CTIF: variants seen among roughly 807,000 people sequenced by gnomAD.
CTIF encodes the protein cap binding complex dependent translation initiation factor.
A neutral mutation model predicts 66.0 loss-of-function variants in CTIF; 21 were observed. The observed-to-expected ratio is 0.32, with a 90% CI of 0.23 to 0.46. The LOEUF is 0.46. Among genes scored for constraint, CTIF ranks in the 20% least tolerant of loss-of-function variants. CTIF has a pLI of 1.00. For missense variants in CTIF, 739 were observed against 812.7 expected, an observed-to-expected ratio of 0.91 and a Z score of 1.10; for synonymous variants, 345 against 326.4, an observed-to-expected ratio of 1.06 and a Z score of -0.62.
chr18:48,738,553 T>A (rs1224297725), intron 7 of CTIF, among the ~76,000 whole-genome samples: 2 of 147,766 alleles, frequency 1.4e-5, no homozygotes, highest in African/African-American at 2.5e-5. Context: ...CCCGGATTGC[T>A]CTTCTCCTGG....
intron 9 of CTIF, among the ~76,000 whole-genome samples, chr18:48,779,754 C>T (rs931827409): frequency 6.6e-6 from 1 of 152,228 alleles, no homozygotes; most frequent in Non-Finnish European, 1.5e-5. Flanking sequence ...GTTCCTTGTC[C>T]TCCCAAGGGG....
In CTIF at chr18:48,707,415, C is replaced by T. The variant is rs553684265; in HGVS notation, c.508-4204C>T. Among the ~76,000 whole-genome samples, 58 of 152,304 alleles carry T rather than the reference C, an allele frequency of 3.8e-4. No homozygotes were observed. In the Middle Eastern group the frequency reaches 0.014, roughly 36 times the overall value. ...GTCATTGGGTGCCACTTGTCTTGGA[C>T]ATGCCACCTTTTCCAGCCGCATCTT... On this transcript the variant is annotated intron_variant, in intron 6 of 11. Coordinates refer to ENST00000256413, the MANE Select transcript of CTIF (RefSeq NM_014772.3).
intron 1 of CTIF, among the ~76,000 whole-genome samples, chr18:48,599,018 G>A (rs2090039516): frequency 6.6e-6 from 1 of 151,532 alleles, no homozygotes; most frequent in South Asian, 2.1e-4. Flanking sequence ...TTGACCTGAA[G>A]ACTTTAGACC....
At chr18:48,755,672 G>A (rs1307437701) in intron 7 of CTIF, 1 of 152,220 alleles carries the variant, frequency 6.6e-6, no homozygotes, top group Non-Finnish European at 1.5e-5. Flanking sequence ...CTTTTGCCCA[G>A]GAATGTATAT....
At chr18:48,792,532 T>C (rs1292558254) in intron 9 of CTIF, among the ~76,000 whole-genome samples, 1 of 151,990 alleles carries the variant, frequency 6.6e-6, no homozygotes, top group East Asian at 1.9e-4. Flanking sequence ...AGGGGGACAA[T>C]GAGCATAAAA....
At chr18:48,835,818 CCCA>C (rs2068795915) in intron 10 of CTIF, among the ~76,000 whole-genome samples, 1 of 151,768 alleles carries the variant, frequency 6.6e-6, no homozygotes, top group South Asian at 2.1e-4. Context: ...ATGGTCCCTT[CCCA>C]CCAAGCCCCC....
chr18:48,641,143 G>C (rs912985836), intron 3 of CTIF, among the ~76,000 whole-genome samples: 9 of 152,234 alleles, frequency 5.9e-5, no homozygotes, highest in Non-Finnish European at 1.3e-4. Context: ...TATAGGGATT[G>C]TTGAAATGAG....
chr18:48,677,669 C>A (rs1250412156), intron 6 of CTIF, among the ~76,000 whole-genome samples: 1 of 152,194 alleles, frequency 6.6e-6, no homozygotes, highest in Non-Finnish European at 1.5e-5. Context: ...GCCTCCTCAT[C>A]ACTCAAGAAT....
chr18:48,720,439 C>T (rs548492211), intron 7 of CTIF, among the ~76,000 whole-genome samples: 11 of 152,202 alleles, frequency 7.2e-5, no homozygotes, highest in East Asian at 1.9e-4. Flanking sequence ...GCCCAGGGAC[C>T]GCGAGACAGA....
chr18:48,575,390 G>C (rs2089508575), intron 1 of CTIF, among the ~76,000 whole-genome samples: 1 of 152,112 alleles, frequency 6.6e-6, no homozygotes, highest in African/African-American at 2.4e-5. Context: ...CACAAAGCTG[G>C]CCAGTGACAG....
At chr18:48,841,959 C>G (rs1329952871) in intron 10 of CTIF, among the ~76,000 whole-genome samples, 1 of 152,202 alleles carries the variant, frequency 6.6e-6, no homozygotes, top group Non-Finnish European at 1.5e-5. Context: ...GACGCACAGC[C>G]CCTACCTACT....
At chr18:48,771,605 C>T (rs577565587) in intron 9 of CTIF, among the ~76,000 whole-genome samples, 11 of 152,314 alleles carry the variant, frequency 7.2e-5, no homozygotes, top group African/African-American at 2.2e-4. Flanking sequence ...AGAACTTGGC[C>T]GGGCACTGCC....
chr18:48,583,591 A>G (rs1290188917), intron 1 of CTIF, among the ~76,000 whole-genome samples: 2 of 152,108 alleles, frequency 1.3e-5, no homozygotes, highest in African/African-American at 4.8e-5. Context: ...ATCATCTTCT[A>G]CAAGATCCTC....
At chr18:48,836,488 C>T (rs983119354) in intron 10 of CTIF, among the ~76,000 whole-genome samples, 1 of 152,202 alleles carries the variant, frequency 6.6e-6, no homozygotes, top group Non-Finnish European at 1.5e-5. Context: ...CAGCTTCTCA[C>T]ACCTCAACTC....
chr18:48,632,453 T>A (rs1289333250), intron 2 of CTIF, among the ~76,000 whole-genome samples: 1 of 152,172 alleles, frequency 6.6e-6, no homozygotes, highest in Non-Finnish European at 1.5e-5. Flanking sequence ...ATCACCCGCT[T>A]TGCCTGCTGC....
chr18:48,635,349 G>A (rs574708678), intron 2 of CTIF, among the ~76,000 whole-genome samples: 1 of 117,576 alleles, frequency 8.5e-6, no homozygotes, highest in South Asian at 2.6e-4. Context: ...TTTTTTTTGA[G>A]GCTCACTCTG....
At chr18:48,796,765 A>G (rs2067929000) in intron 9 of CTIF, among the ~76,000 whole-genome samples, 1 of 152,162 alleles carries the variant, frequency 6.6e-6, no homozygotes, top group Non-Finnish European at 1.5e-5. Context: ...TGCCTCTTTT[A>G]CATGCTCACA....
intron 1 of CTIF, among the ~76,000 whole-genome samples, chr18:48,553,014 A>G (rs1186089132): frequency 6.6e-6 from 1 of 152,134 alleles, no homozygotes. Flanking sequence ...TAATACAGGG[A>G]TTAGGAGGGA....
intron 9 of CTIF, among the ~76,000 whole-genome samples, chr18:48,776,922 TG>T (rs1447422625): frequency 3.3e-5 from 5 of 152,238 alleles, no homozygotes; most frequent in African/African-American, 1.2e-4. Context: ...TTTCCCTGGC[TG>T]GGCGACCTCA....
Sources: allele counts gnomAD v4.1 joint callset (sites outside exome capture counted in the v4.1 genomes callset), GRCh38; gene constraint gnomAD v4.1.1; transcripts MANE v1.5; gene names NCBI Gene and HGNC (gene_info 2026-07-23, HGNC 2026-07-21).